IQCM: variants seen among roughly 807,000 people sequenced by gnomAD.
IQCM encodes IQ motif containing M.
Under a neutral mutation model 57.6 loss-of-function variants are expected in IQCM, and 45 were observed. That is an observed-to-expected ratio of 0.78 (90% CI 0.62 to 1.00). IQCM has a LOEUF of 1.00. Among genes scored for constraint, IQCM ranks in the 50% least tolerant of loss-of-function variants. IQCM has a pLI of 0.00. For missense variants in IQCM, 468 were observed against 511.6 expected (o/e 0.91, Z 0.82); for synonymous variants, 148 against 158.9 (o/e 0.93, Z 0.51).
chr4:149,703,641 T>G, intron 5 of IQCM, among the ~76,000 whole-genome samples: 1 of 151,916 alleles, frequency 6.6e-6, no homozygotes, highest in East Asian at 1.9e-4. Context: ...ACAAAAGCTA[T>G]AAAATATATA....
At chr4:149,399,547 C>T (rs907150838) in intron 13 of IQCM, among the ~76,000 whole-genome samples, 1 of 151,986 alleles carries the variant, frequency 6.6e-6, no homozygotes, top group Non-Finnish European at 1.5e-5. Flanking sequence ...ATATAAAAGA[C>T]ACTAAAAATA....
intron 12 of IQCM, among the ~76,000 whole-genome samples, chr4:149,453,842 A>G (rs1737390636): frequency 6.6e-6 from 1 of 151,864 alleles, no homozygotes; most frequent in Non-Finnish European, 1.5e-5. Flanking sequence ...ATACCATATG[A>G]CCCAGCAACT....
At chr4:149,630,618 A>T (rs759217660) in intron 7 of IQCM, among the ~76,000 whole-genome samples, 1 of 152,210 alleles carries the variant, frequency 6.6e-6, no homozygotes, top group African/African-American at 2.4e-5. Flanking sequence ...TATATGAATC[A>T]TATGTACCTT....
At chr4:149,791,362 CA>C (rs1378169234) in intron 2 of IQCM, among the ~76,000 whole-genome samples, 1 of 152,086 alleles carries the variant, frequency 6.6e-6, no homozygotes, top group Non-Finnish European at 1.5e-5. Context: ...ATATGTTGTG[CA>C]ATGATCAAAT....
chr4:149,786,451 A>G (rs2150020369), intron 2 of IQCM, among the ~76,000 whole-genome samples: 1 of 152,296 alleles, frequency 6.6e-6, no homozygotes. Context: ...ACCACCCCAA[A>G]GTAGAAGAGG....
At chr4:149,492,296 G>T (rs1742177594) in intron 12 of IQCM, among the ~76,000 whole-genome samples, 1 of 151,968 alleles carries the variant, frequency 6.6e-6, no homozygotes, top group Non-Finnish European at 1.5e-5. Flanking sequence ...GCACAACTTT[G>T]GATGGGTTAC....
chr4:149,594,668 T>C (rs998176645), intron 8 of IQCM, among the ~76,000 whole-genome samples: 2 of 152,228 alleles, frequency 1.3e-5, no homozygotes, highest in Middle Eastern at 3.2e-3. Context: ...TTTGTTCTCA[T>C]TAGTTTCAAA....
intron 2 of IQCM, among the ~76,000 whole-genome samples, chr4:149,767,075 T>C (rs563818172): frequency 7.2e-5 from 11 of 152,060 alleles, no homozygotes; most frequent in Non-Finnish European, 1.2e-4. Flanking sequence ...ACAAATGAAA[T>C]TGTGATGCAA....
At chr4:149,672,586 A>G (rs1579948012) in intron 7 of IQCM, among the ~76,000 whole-genome samples, 1 of 152,302 alleles carries the variant, frequency 6.6e-6, no homozygotes, top group African/African-American at 2.4e-5. Flanking sequence ...AAAAAAGAGT[A>G]AAAAGAAACT....
intron 5 of IQCM, among the ~76,000 whole-genome samples, chr4:149,731,674 AT>A (rs1182476956): frequency 2.0e-5 from 3 of 152,168 alleles, no homozygotes; most frequent in African/African-American, 7.2e-5. Flanking sequence ...ATCAAAATGT[AT>A]TAAAAAGAAC....
chr4:149,461,833 G>A (rs1458274966), intron 12 of IQCM, among the ~76,000 whole-genome samples: 2 of 151,408 alleles, frequency 1.3e-5, no homozygotes, highest in African/African-American at 2.4e-5. Context: ...TATATATATA[G>A]TGTGTATATA....
chr4:149,648,041 T>G (rs1371895317), intron 7 of IQCM, among the ~76,000 whole-genome samples: 2 of 152,202 alleles, frequency 1.3e-5, no homozygotes, highest in African/African-American at 4.8e-5. Flanking sequence ...GACAATATAT[T>G]TTTTCTAGAA....
intron 13 of IQCM, among the ~76,000 whole-genome samples, chr4:149,370,514 T>C (rs1410913348): frequency 6.6e-6 from 1 of 151,880 alleles, no homozygotes; most frequent in Non-Finnish European, 1.5e-5. Context: ...TTTGCATATA[T>C]ATATATATAC....
intron 2 of IQCM, among the ~76,000 whole-genome samples, chr4:149,758,077 G>A (rs575020133): frequency 6.6e-6 from 1 of 152,240 alleles, no homozygotes; most frequent in Admixed American, 6.5e-5. Context: ...TAGAAAAATA[G>A]ATAAGTGGAA....
chr4:149,624,202 C>A (rs1397255272), intron 7 of IQCM, among the ~76,000 whole-genome samples: 1 of 151,574 alleles, frequency 6.6e-6, no homozygotes, highest in African/African-American at 2.4e-5. Context: ...GGATTAGAAC[C>A]CGATTTGGCA....
chr4:149,376,224 C>T lies in IQCM; in HGVS notation c.1391-24158G>A, dbSNP rs181073622. The stretch of plus-strand genomic sequence containing the variant: ...TTAAGTGAACCCTGGGACTTTGTGA[C>T]TCAGATCTCAATATTTTCTGCAGGT... On this transcript the variant is annotated intron_variant, in intron 13 of 13. Coordinates refer to ENST00000636793, the MANE Select transcript of IQCM (RefSeq NM_001363507.2). Among the ~76,000 whole-genome samples the T allele has an allele frequency of 2.1e-4, 32 of 152,200 alleles. No individual in the cohort carries two copies. In the East Asian group the frequency reaches 5.8e-3, roughly 28 times the overall value.
chr4:149,603,532 T>A (rs1754501317), intron 8 of IQCM, among the ~76,000 whole-genome samples: 1 of 152,122 alleles, frequency 6.6e-6, no homozygotes, highest in Non-Finnish European at 1.5e-5. Flanking sequence ...AGAGTCACAG[T>A]TTTGGGTTTG....
chr4:149,503,182 C>A (rs1378073467), intron 12 of IQCM, among the ~76,000 whole-genome samples: 1 of 152,114 alleles, frequency 6.6e-6, no homozygotes, highest in Non-Finnish European at 1.5e-5. Context: ...GATCATGCCA[C>A]TGCACTTCAG....
intron 7 of IQCM, among the ~76,000 whole-genome samples, chr4:149,664,665 G>C (rs1760530400): frequency 6.6e-6 from 1 of 152,150 alleles, no homozygotes; most frequent in Non-Finnish European, 1.5e-5. Context: ...TGATTGTCAG[G>C]CCAAGCATGT....
Sources: allele counts gnomAD v4.1 joint callset (sites outside exome capture counted in the v4.1 genomes callset), GRCh38; gene constraint gnomAD v4.1.1; transcripts MANE v1.5; gene names NCBI Gene and HGNC (gene_info 2026-07-23, HGNC 2026-07-21).